The following DLG2 variants were observed in gnomAD, a reference collection of about 807,000 sequenced individuals.
DLG2 encodes the protein disks large homolog 2.
Under a neutral mutation model 132.5 loss-of-function variants are expected in DLG2, and 45 were observed. The observed-to-expected ratio is 0.34, with a 90% CI of 0.27 to 0.44. The LOEUF (loss-of-function observed/expected upper bound fraction) is 0.44. DLG2 is among the 20% of genes least tolerant of loss of function. The pLI, the probability that DLG2 is intolerant of heterozygous loss-of-function variation, is 1.00. For synonymous variants in DLG2, 424 were observed against 419.6 expected, an observed-to-expected ratio of 1.01 and a Z score of -0.13; for missense variants, 1,045 against 1,196.9, an observed-to-expected ratio of 0.87 and a Z score of 1.87.
At chr11:84,711,940 T>A (rs1565738993) in intron 6 of DLG2, among the ~76,000 whole-genome samples, 1 of 152,178 alleles carries the variant, frequency 6.6e-6, no homozygotes, top group East Asian at 1.9e-4. Flanking sequence ...TTATACTAAA[T>A]GAATATAATA....
At chr11:83,910,961 C>A (rs1275092418) in intron 15 of DLG2, among the ~76,000 whole-genome samples, 1 of 151,944 alleles carries the variant, frequency 6.6e-6, no homozygotes, top group Non-Finnish European at 1.5e-5. Context: ...GAGACAAGAC[C>A]ACAGAAATGA....
At chr11:84,227,091 T>C (rs1366635692) in intron 8 of DLG2, among the ~76,000 whole-genome samples, 1 of 151,470 alleles carries the variant, frequency 6.6e-6, no homozygotes, top group African/African-American at 2.4e-5. Flanking sequence ...TCTTAAAAAT[T>C]AATTAATTAA....
intron 3 of DLG2, among the ~76,000 whole-genome samples, chr11:85,354,010 A>T (rs1397785876): frequency 6.6e-6 from 1 of 150,760 alleles, no homozygotes; most frequent in Non-Finnish European, 1.5e-5. Context: ...AAATTCCTTA[A>T]TAAAAAAAAA....
intron 5 of DLG2, among the ~76,000 whole-genome samples, chr11:85,142,092 A>G (rs1469062180): frequency 6.6e-6 from 1 of 151,844 alleles, no homozygotes; most frequent in Non-Finnish European, 1.5e-5. Context: ...ATTTCTGTGA[A>G]GAATGTCATT....
At chr11:85,322,222 C>T (rs1019884336) in intron 3 of DLG2, among the ~76,000 whole-genome samples, 66 of 152,104 alleles carry the variant, frequency 4.3e-4, no homozygotes, top group African/African-American at 1.5e-3. Context: ...TCTACATCAC[C>T]GCCACCCATA....
intron 6 of DLG2, among the ~76,000 whole-genome samples, chr11:84,542,376 A>G (rs532490044): frequency 2.7e-4 from 41 of 152,340 alleles, no homozygotes; most frequent in Middle Eastern, 3.4e-3. Flanking sequence ...CTGACATTAA[A>G]AAACTTGTTA....
At chr11:84,772,194 G>C (rs983956940) in intron 6 of DLG2, among the ~76,000 whole-genome samples, 4 of 151,866 alleles carry the variant, frequency 2.6e-5, no homozygotes, top group African/African-American at 9.7e-5. Flanking sequence ...ATTACGTAAT[G>C]ATAAAGGTTC....
At chr11:84,078,839 T>C (rs1358239273) in intron 10 of DLG2, among the ~76,000 whole-genome samples, 1 of 152,204 alleles carries the variant, frequency 6.6e-6, no homozygotes, top group Non-Finnish European at 1.5e-5. Flanking sequence ...CCCAGTCAGA[T>C]CTCTCAGAGT....
At chr11:84,209,334 T>C (rs2096719718) in intron 8 of DLG2, among the ~76,000 whole-genome samples, 1 of 152,010 alleles carries the variant, frequency 6.6e-6, no homozygotes. Context: ...GCCTGAAAAA[T>C]TGTCACAGGC....
chr11:85,249,997 G>A (rs570297136), intron 4 of DLG2, among the ~76,000 whole-genome samples: 20 of 152,196 alleles, frequency 1.3e-4, no homozygotes, highest in Non-Finnish European at 2.4e-4. Context: ...AAACTCTGGT[G>A]TAAGGCAGAG....
intron 3 of DLG2, among the ~76,000 whole-genome samples, chr11:85,489,658 T>A (rs1466668058): frequency 6.6e-6 from 1 of 152,174 alleles, no homozygotes; most frequent in Non-Finnish European, 1.5e-5. Context: ...GGCCACAAAC[T>A]AAGTCTCAAC....
At chr11:85,148,154 T>A (rs1220408887) in intron 5 of DLG2, among the ~76,000 whole-genome samples, 1 of 152,226 alleles carries the variant, frequency 6.6e-6, no homozygotes, top group Non-Finnish European at 1.5e-5. Context: ...AGTCTGTAAT[T>A]GATGGGCATT....
At chr11:83,986,051 TTTTTA>T (rs1430428436) in intron 11 of DLG2, among the ~76,000 whole-genome samples, 20 of 151,994 alleles carry the variant, frequency 1.3e-4, no homozygotes, top group Non-Finnish European at 1.2e-4. Flanking sequence ...CCAATAGATT[TTTTTA>T]TTTTATTTTA....
chr11:85,447,201 A>G (rs1435336726), intron 3 of DLG2, among the ~76,000 whole-genome samples: 1 of 152,196 alleles, frequency 6.6e-6, no homozygotes, highest in Non-Finnish European at 1.5e-5. Flanking sequence ...TCACTTCTTT[A>G]TTTAACAAAT....
intron 18 of DLG2, among the ~76,000 whole-genome samples, chr11:83,681,141 G>T (rs1321671384): frequency 6.6e-6 from 1 of 152,082 alleles, no homozygotes; most frequent in Non-Finnish European, 1.5e-5. Flanking sequence ...TATATAATAT[G>T]CCATATGACA....
At chr11:85,160,969 A>G (rs1173770421) in intron 4 of DLG2, among the ~76,000 whole-genome samples, 2 of 152,184 alleles carry the variant, frequency 1.3e-5, no homozygotes, top group Admixed American at 1.3e-4. Context: ...TTTGCATGGA[A>G]GGAGAAATGA....
chr11:85,524,195 T>A (rs1402417451), intron 3 of DLG2, among the ~76,000 whole-genome samples: 5 of 152,110 alleles, frequency 3.3e-5, no homozygotes, highest in African/African-American at 1.2e-4. Flanking sequence ...GCAGGGTGAC[T>A]ACAGTCAACA....
chr11:85,541,667 T>A (rs764860335), intron 3 of DLG2, among the ~76,000 whole-genome samples: 43 of 152,108 alleles, frequency 2.8e-4, no homozygotes, highest in Non-Finnish European at 5.7e-4. Flanking sequence ...AAACACAGAT[T>A]TGAAGTCATA....
intron 5 of DLG2, chr11:85,132,935 TCATGGGAAACTCGAGCCCTCCTCCATA>T: frequency 2.4e-6 from 1 of 424,398 alleles, no homozygotes; most frequent in South Asian, 1.6e-5. Context: ...AGGGGGCCCC[TCATGGGAAACTCGAGCCCTCCTCCATA>T]CAGCTCAAGG....
Sources: allele counts gnomAD v4.1 joint callset (sites outside exome capture counted in the v4.1 genomes callset), GRCh38; gene constraint gnomAD v4.1.1; transcripts MANE v1.5; gene names NCBI Gene and HGNC (gene_info 2026-07-23, HGNC 2026-07-21).